RUNX1T1: variants seen among roughly 807,000 people sequenced by gnomAD.
RUNX1T1 encodes RUNX1 partner transcriptional co-repressor 1.
RUNX1T1 carries 4 observed loss-of-function variants against 62.8 expected under a neutral mutation model. The observed-to-expected ratio is 0.06, with a 90% CI of 0.03 to 0.15. The LOEUF (loss-of-function observed/expected upper bound fraction) is 0.15. Ranked by LOEUF, RUNX1T1 falls within the 10% of genes least tolerant of loss-of-function variation. RUNX1T1 has a pLI of 1.00. For synonymous variants in RUNX1T1, 291 were observed against 286.0 expected (o/e 1.02, Z -0.18); for missense variants, 508 against 754.3 (o/e 0.67, Z 3.82).
intron 8 of RUNX1T1, among the ~76,000 whole-genome samples, chr8:91,979,468 G>T (rs1295835763): frequency 6.6e-6 from 1 of 152,110 alleles, no homozygotes; most frequent in Non-Finnish European, 1.5e-5. Context: ...AGTGGTAGAT[G>T]CAAAGACAGA....
upstream of RUNX1T1, chr8:92,102,860 G>A: frequency 6.6e-7 from 1 of 1,522,736 alleles, no homozygotes; most frequent in Non-Finnish European, 8.8e-7. This position sits in a 1 kb window ranked among gnomAD's most constrained non-coding sequence, Gnocchi z 4.5. Flanking sequence ...CACTTACACT[G>A]CACAGGGCCG....
intron 2 of RUNX1T1, 54 bp from the exon 4 acceptor site, chr8:92,014,874 G>C: frequency 6.6e-7 from 1 of 1,505,230 alleles, no homozygotes. Context: ...GAACATGCAT[G>C]AGGAAATTGC....
Position 92,086,973 on chromosome 8 carries a change from G to C in RUNX1T1, c.-85-10836C>G, listed in dbSNP as rs545675433. On this transcript the variant is annotated intron_variant, in intron 1 of 11. Transcript: ENST00000265814. ...GGACCAACTCTTTGCAAACATAACTGTTATTGGATGCAGGGTTTCCTTTTG... is the reference window on the plus strand; with the variant it reads ...GGACCAACTCTTTGCAAACATAACTCTTATTGGATGCAGGGTTTCCTTTTG... Among the ~76,000 whole-genome samples, 7 of 152,234 alleles carry C rather than the reference G, an allele frequency of 4.6e-5. No individual in the cohort carries two copies. The South Asian group carries it at 1.5e-3, about 32-fold the overall frequency.
At chr8:92,062,243 T>C (rs1236575707) in intron 1 of RUNX1T1, among the ~76,000 whole-genome samples, 1 of 152,220 alleles carries the variant, frequency 6.6e-6, no homozygotes, top group African/African-American at 2.4e-5. Flanking sequence ...TACTTCTTAC[T>C]TGAGCTAAAA....
At chr8:92,047,621 A>AAATACTTGC (rs1006974141) in intron 1 of RUNX1T1, among the ~76,000 whole-genome samples, 1 of 152,150 alleles carries the variant, frequency 6.6e-6, no homozygotes, top group Admixed American at 6.5e-5. Flanking sequence ...AGAGTTCAAT[A>AAATACTTGC]AATACTTGCT....
intron 1 of RUNX1T1, among the ~76,000 whole-genome samples, chr8:92,032,093 CAA>C (rs59047751): frequency 2.0e-3 from 58 of 29,530 alleles, no homozygotes; most frequent in South Asian, 6.8e-3. Flanking sequence ...AATCCTGTCT[CAA>C]AAAAAAAAAA....
chr8:92,078,526 C>A (rs1242752369), intron 1 of RUNX1T1, among the ~76,000 whole-genome samples: 1 of 152,000 alleles, frequency 6.6e-6, no homozygotes, highest in African/African-American at 2.4e-5. Context: ...GAGCAGAATG[C>A]CTCAAACAAT....
chr8:91,996,529 G>A (rs955053864), intron 5 of RUNX1T1, among the ~76,000 whole-genome samples: 1 of 152,134 alleles, frequency 6.6e-6, no homozygotes, highest in Non-Finnish European at 1.5e-5. Context: ...ACCTGAGGAT[G>A]TTATATCTCC....
chr8:91,991,800 C>A (rs952826045), exon 6 of RUNX1T1: 1 of 1,614,010 alleles, frequency 6.2e-7, no homozygotes, highest in African/African-American at 1.3e-5. Flanking sequence ...GTTATTTGGA[C>A]TGTACCGCTG....
At chr8:91,974,979 C>CA (rs1248123176) in intron 9 of RUNX1T1, among the ~76,000 whole-genome samples, 3 of 152,028 alleles carry the variant, frequency 2.0e-5, no homozygotes, top group African/African-American at 2.4e-5. Flanking sequence ...TAGAAAAAAA[C>CA]AAAAAATCTG....
chr8:91,997,598 C>T (rs888554347), intron 5 of RUNX1T1, among the ~76,000 whole-genome samples: 10 of 152,130 alleles, frequency 6.6e-5, no homozygotes, highest in African/African-American at 1.9e-4. Flanking sequence ...CCTAGTCACC[C>T]GAGTAGAAAC....
chr8:92,021,902 C>A (rs1824168990), intron 1 of RUNX1T1, among the ~76,000 whole-genome samples: 1 of 150,160 alleles, frequency 6.7e-6, no homozygotes, highest in South Asian at 2.1e-4. Flanking sequence ...CTGTTTCCCT[C>A]ATCTAGAATG....
intron 2 of RUNX1T1, among the ~76,000 whole-genome samples, chr8:92,072,616 G>A (rs1267342042): frequency 6.6e-6 from 1 of 152,166 alleles, no homozygotes; most frequent in Non-Finnish European, 1.5e-5. Context: ...AAAACAACTG[G>A]CATGCTGCCA....
chr8:91,960,918 T>G (rs1810304249), intron 10 of RUNX1T1, among the ~76,000 whole-genome samples: 2 of 152,242 alleles, frequency 1.3e-5, no homozygotes, highest in Non-Finnish European at 1.5e-5. Context: ...GAGCAGAAGC[T>G]TCTTCCTTTT....
chr8:92,028,240 C>T (rs952766818), intron 1 of RUNX1T1, among the ~76,000 whole-genome samples: 5 of 145,252 alleles, frequency 3.4e-5, no homozygotes, highest in Non-Finnish European at 6.0e-5. Flanking sequence ...AATCAAATAA[C>T]TTAGCTGTTT....
chr8:92,070,079 C>T (rs1332420115), intron 2 of RUNX1T1, among the ~76,000 whole-genome samples: 1 of 152,216 alleles, frequency 6.6e-6, no homozygotes, highest in East Asian at 1.9e-4. Flanking sequence ...TGCAAGTCTC[C>T]AAACCCAAAT....
chr8:92,041,699 G>A (rs1828488071), intron 1 of RUNX1T1, among the ~76,000 whole-genome samples: 1 of 152,018 alleles, frequency 6.6e-6, no homozygotes, highest in African/African-American at 2.4e-5. Context: ...CCGAGATCAC[G>A]CAACTGCACT....
chr8:92,074,267 G>T (rs1372173084), intron 2 of RUNX1T1, among the ~76,000 whole-genome samples: 1 of 152,096 alleles, frequency 6.6e-6, no homozygotes, highest in Non-Finnish European at 1.5e-5. Flanking sequence ...ATGCATTTTT[G>T]CTTTCAATAT....
At chr8:92,025,179 C>G (rs1237120061) in intron 1 of RUNX1T1, among the ~76,000 whole-genome samples, 1 of 152,190 alleles carries the variant, frequency 6.6e-6, no homozygotes, top group African/African-American at 2.4e-5. Flanking sequence ...CCACCCGTCT[C>G]TGATACATTC....
Sources: allele counts gnomAD v4.1 joint callset (sites outside exome capture counted in the v4.1 genomes callset), GRCh38; gene constraint gnomAD v4.1.1; non-coding constraint Gnocchi (gnomAD v3.1); transcripts MANE v1.5; gene names NCBI Gene and HGNC (gene_info 2026-07-23, HGNC 2026-07-21).